The following HAUS6 variants were observed in gnomAD, a reference collection of about 807,000 sequenced individuals.
The protein encoded by HAUS6 is HAUS augmin-like complex subunit 6.
In HAUS6, 80 loss-of-function variants were observed where a neutral mutation model predicts 106.8. The ratio of observed to expected loss-of-function variants is 0.75; its 90% CI spans 0.63 to 0.90. HAUS6 has a LOEUF of 0.90. HAUS6 is among the 40% of genes least tolerant of loss of function. HAUS6 has a pLI of 0.00. For missense variants in HAUS6, 1,155 were observed against 1,118.1 expected, an observed-to-expected ratio of 1.03 and a Z score of -0.47; for synonymous variants, 356 against 379.1, an observed-to-expected ratio of 0.94 and a Z score of 0.71.
At chr9:19,063,438 TG>T in intron 13 of HAUS6, 75 bp downstream of exon 13, 1 of 740,854 alleles carries the variant, frequency 1.3e-6, no homozygotes, top group Non-Finnish European at 2.2e-6. Context: ...AATTTAACTG[TG>T]GTATCAACAA....
chr9:19,076,723 C>G lies in HAUS6; in HGVS notation c.1192-19G>C, dbSNP rs780702373. The stretch of plus-strand genomic sequence containing the variant: ...CTACAGACTTAAAACAGAAAATTCA[C>G]AATTTTGAAGTAAACATATTTGCTA... On this transcript the variant is annotated intron_variant, in intron 10 of 16. Transcript: ENST00000380502. The G allele has an allele frequency of 8.6e-7, 1 of 1,169,014 alleles. No individual in the cohort carries two copies. Among genetic ancestry groups the G allele is most frequent in the Admixed American group, 1.8e-5 (1 of 56,146 alleles). 72.4% of individuals were successfully genotyped at this position (1,169,014 alleles called of 1,614,324 possible). A position where few individuals can be genotyped will look rare whatever the true frequency, so the allele number is the denominator to read the frequency against.
Position 19,102,535 on chromosome 9 carries a change from C to G in HAUS6, c.117G>C (p.Thr39=), listed in dbSNP as rs988279567. The G allele has an allele frequency of 1.2e-6, 2 of 1,613,504 alleles. No homozygotes were observed. Among genetic ancestry groups the G allele is most frequent in the Non-Finnish European group, 1.7e-6 (2 of 1,179,682 alleles). The change falls in exon 1 of 17, where the codon ACG becomes ACC. Residue 39 remains threonine, a synonymous_variant. Coordinates refer to ENST00000380502, the MANE Select transcript of HAUS6 (RefSeq NM_017645.5). ...CCCGGCCTCCTTACACTCCGAGGTGCGTGTGCGACACGATCTTTCCGCAGG... is the reference window on the plus strand; with the variant it reads ...CCCGGCCTCCTTACACTCCGAGGTGGGTGTGCGACACGATCTTTCCGCAGG... ...TIACGKIVSH[T]HLGVNMFDKL... is the part of the protein sequence containing the mutation.
chr9:19,081,236 A>ATT (rs1837141939), intron 8 of HAUS6, among the ~76,000 whole-genome samples: 1 of 152,224 alleles, frequency 6.6e-6, no homozygotes, highest in African/African-American at 2.4e-5. Flanking sequence ...GAAAACTAGA[A>ATT]TAAAAGAAAT....
intron 12 of HAUS6, among the ~76,000 whole-genome samples, chr9:19,065,569 G>A (rs557030984): frequency 5.9e-5 from 9 of 152,280 alleles, no homozygotes; most frequent in East Asian, 1.9e-4. Flanking sequence ...GGCTGGGCGC[G>A]GTGGCTCACG....
intron 2 of HAUS6, among the ~76,000 whole-genome samples, chr9:19,094,672 G>T (rs538256655): frequency 6.6e-6 from 1 of 152,058 alleles, no homozygotes; most frequent in Middle Eastern, 3.4e-3. Context: ...TGCGCCTATA[G>T]CCCCAGCTAC....
intron 11 of HAUS6, 106 bp downstream of exon 11, chr9:19,076,494 TAA>T: frequency 4.6e-6 from 3 of 647,576 alleles, no homozygotes; most frequent in South Asian, 1.8e-5. Flanking sequence ...TTCACCACAA[TAA>T]AAAAAAATGG....
At position 19,068,667 on chromosome 9, in the gene HAUS6, C is replaced by T. The variant is rs113434531; in HGVS notation, c.1376+1552G>A. 3.3e-3 allele frequency among the ~76,000 whole-genome samples: 494 copies of T among 150,358 alleles called. 1 individual carries two copies. The highest frequency in any genetic ancestry group is 0.012 in the African/African-American group (477 of 40,778). On this transcript the variant is annotated intron_variant, in intron 12 of 16. Coordinates refer to ENST00000380502, the MANE Select transcript of HAUS6 (RefSeq NM_017645.5). ...TTTATTTTCATCTGTCCCTCATCTA[C>T]TTGGGGAAGTTGTAATGAAAGACAC...
intron 3 of HAUS6, among the ~76,000 whole-genome samples, chr9:19,093,782 T>C (rs1043117572): frequency 6.6e-6 from 1 of 152,108 alleles, no homozygotes; most frequent in Non-Finnish European, 1.5e-5. Flanking sequence ...GATGGGAGAA[T>C]CATTCGAACC....
intron 4 of HAUS6, among the ~76,000 whole-genome samples, chr9:19,091,193 G>A (rs1466296145): frequency 4.6e-5 from 7 of 151,966 alleles, no homozygotes; most frequent in South Asian, 4.1e-4. Flanking sequence ...CCAGCTACTC[G>A]GAAGGCTGAA....
rs1564018972 is a variant in HAUS6 at position 19,089,495 on chromosome 9, G to C, written c.501C>G (p.Ala167=). The change falls in exon 5 of 17, where the codon GCC becomes GCG. Residue 167 remains alanine, a synonymous_variant. Coordinates refer to ENST00000380502, the MANE Select transcript of HAUS6 (RefSeq NM_017645.5). Reference sequence around the variant, plus strand: ...ATCTGCTACGTGCGAAATGGCATCTGGCAATGCATTTGTGCAAGTCCTGTG... The same window carrying C: ...ATCTGCTACGTGCGAAATGGCATCTCGCAATGCATTTGTGCAAGTCCTGTG... The part of the protein sequence containing the change: ...IKPQDLHKCI[A]RCHFARSRFL... The C allele has an allele frequency of 1.2e-6, 2 of 1,607,528 alleles. 1 individual carries two copies. The highest frequency in any genetic ancestry group is 4.5e-5 in the East Asian group (2 of 44,816).
At chr9:19,077,483 T>G (rs1837035813) in intron 10 of HAUS6, among the ~76,000 whole-genome samples, 1 of 151,894 alleles carries the variant, frequency 6.6e-6, no homozygotes, top group Non-Finnish European at 1.5e-5. Flanking sequence ...TGCAGTGAGC[T>G]GAGATCGTGC....
chr9:19,063,889 C>G (rs1254878556), intron 12 of HAUS6: 1 of 465,946 alleles, frequency 2.1e-6, no homozygotes, highest in African/African-American at 2.0e-5. Flanking sequence ...AGGTTAAAAA[C>G]AGATTCAATT....
intron 7 of HAUS6, among the ~76,000 whole-genome samples, chr9:19,085,194 T>C (rs1349243437): frequency 1.3e-5 from 2 of 152,202 alleles, no homozygotes; most frequent in Non-Finnish European, 2.9e-5. Flanking sequence ...GAATCTGTAA[T>C]TGTCCAGGAT....
chr9:19,096,585 AAAAAGG>A, intron 2 of HAUS6, 83 bp downstream of exon 2: 1 of 545,714 alleles, frequency 1.8e-6, no homozygotes, highest in Non-Finnish European at 3.2e-6. Flanking sequence ...AAAAAAAAAA[AAAAAGG>A]AGAGAATTCT....
At position 19,082,995 on chromosome 9, in the gene HAUS6, T is replaced by C. The variant is rs757903671; in HGVS notation, c.748A>G (p.Lys250Glu). ...SVNETLMFLEKEREVVSSVLS... is the reference protein window; with the variant it reads ...SVNETLMFLEEEREVVSSVLS... ...ACCGAACTAACAACTTCTCTCTCTT[T>C]TTCCAAAAACATGAGCGTTTCATTC... Residue 250 changes from lysine to glutamate, a missense_variant, in exon 8 of 17, where the codon AAA becomes GAA. Physicochemically the swap from Lys to Glu is moderately conservative, Grantham distance 56. Around this residue, in one of 3 missense-constraint regions of HAUS6, gnomAD observed 761 missense variants for 690.0 expected, o/e 1.10. Coordinates refer to ENST00000380502, the MANE Select transcript of HAUS6 (RefSeq NM_017645.5). 7.5e-6 allele frequency: 12 copies of C among 1,590,646 alleles called. No homozygotes were observed. The highest frequency in any genetic ancestry group is 1.0e-5 in the Non-Finnish European group (12 of 1,170,052).
intron 8 of HAUS6, among the ~76,000 whole-genome samples, chr9:19,081,098 G>A (rs1043198041): frequency 6.4e-5 from 7 of 109,856 alleles, no homozygotes; most frequent in African/African-American, 3.2e-4. Flanking sequence ...AAAAAAAGCG[G>A]GGGGAAAAAA....
chr9:19,096,564 CAAAAAAAAAAAAAAAAA>C (rs370743421), intron 2 of HAUS6, 93 bp downstream of exon 2: 2 of 262,480 alleles, frequency 7.6e-6, no homozygotes, highest in South Asian at 7.3e-5. Context: ...GACTCCGTCT[CAAAAAAAAAAAAAAAAA>C]AAAAAAAAGG....
chr9:19,066,869 T>C (rs1352479262), intron 12 of HAUS6, among the ~76,000 whole-genome samples: 3 of 150,864 alleles, frequency 2.0e-5, no homozygotes, highest in Non-Finnish European at 2.9e-5. Flanking sequence ...TAGCTGGGTG[T>C]GGAGGTGCAT....
intron 12 of HAUS6, among the ~76,000 whole-genome samples, chr9:19,068,084 T>G (rs1434718045): frequency 6.6e-6 from 1 of 151,822 alleles, no homozygotes; most frequent in Non-Finnish European, 1.5e-5. Context: ...CAATCTTTAG[T>G]CCAGCAAAAC....
Sources: allele counts gnomAD v4.1 joint callset (sites outside exome capture counted in the v4.1 genomes callset), GRCh38; gene constraint gnomAD v4.1.1; regional missense constraint gnomAD v4.1.1; transcripts MANE v1.5; gene names NCBI Gene and HGNC (gene_info 2026-07-23, HGNC 2026-07-21).